FAM186A: variants seen among roughly 807,000 people sequenced by gnomAD.
The protein encoded by FAM186A is family with sequence similarity 186 member A, also known as protein FAM186A.
A neutral mutation model predicts 216.8 loss-of-function variants in FAM186A; 163 were observed. The ratio of observed to expected loss-of-function variants is 0.75; its 90% CI spans 0.66 to 0.86. The LOEUF is 0.86. Ranked by LOEUF, FAM186A falls within the 40% of genes least tolerant of loss-of-function variation. The pLI is 0.00. For synonymous variants in FAM186A, 805 were observed against 1,025.3 expected, an observed-to-expected ratio of 0.79 and a Z score of 4.10; for missense variants, 2,184 against 2,746.2, an observed-to-expected ratio of 0.80 and a Z score of 4.58.
intron 1 of FAM186A, among the ~76,000 whole-genome samples, chr12:50,394,935 G>T (rs1165944663): frequency 2.0e-5 from 3 of 150,808 alleles, no homozygotes; most frequent in South Asian, 2.1e-4. Flanking sequence ...TTGCTTTGTT[G>T]CCTGGGATGG....
At chr12:50,342,161 G>A (rs532916767) in intron 4 of FAM186A, among the ~76,000 whole-genome samples, 4 of 151,504 alleles carry the variant, frequency 2.6e-5, no homozygotes, top group South Asian at 2.1e-4. Flanking sequence ...CAGGCATGGC[G>A]GCGGCGTGCC....
intron 1 of FAM186A, among the ~76,000 whole-genome samples, chr12:50,375,408 A>T (rs1339897286): frequency 6.6e-6 from 1 of 151,452 alleles, no homozygotes; most frequent in Non-Finnish European, 1.5e-5. Context: ...AATTAGCCAG[A>T]CATGTTGGCA....
Position 50,353,913 on chromosome 12 carries a change from T to G in FAM186A, c.2919A>C (p.Arg973Ser), listed in dbSNP as rs1157365180. The change falls in exon 4 of 8, where the codon AGA becomes AGC. Residue 973 changes from arginine to serine, a missense_variant. By Grantham distance (110) the Arg-to-Ser change is moderately radical. Coordinates refer to ENST00000327337, the MANE Select transcript of FAM186A (RefSeq NM_001145475.3). ...EKGKEKQKPE[R>S]GLEDLERQIK... ...TCTGCCTTTCGAGGTCCTCTAGCCC[T>G]CTCTCTGGCTTCTGCTTTTCCTTCC... is the stretch of plus-strand genomic sequence containing the variant. The G allele has an allele frequency of 2.6e-6, 4 of 1,552,900 alleles. No individual in the cohort carries two copies. The highest frequency in any genetic ancestry group is 1.2e-5 in the South Asian group (1 of 84,098).
Position 50,367,839 on chromosome 12 carries a change from A to G in FAM186A, c.193-4475T>C, listed in dbSNP as rs112266495. 9.5e-3 allele frequency among the ~76,000 whole-genome samples: 1,444 copies of G among 152,320 alleles called. 14 individuals are homozygous for G. Among genetic ancestry groups the G allele is most frequent in the Middle Eastern group, 0.061 (18 of 294 alleles). On this transcript the variant is annotated intron_variant, in intron 1 of 7. Coordinates refer to ENST00000327337, the MANE Select transcript of FAM186A (RefSeq NM_001145475.3). ...AGAAATTAAGAAAACAATGCCATTT[A>G]TAATAGCATCAAAAATAATAATATA...
At chr12:50,393,087 C>G (rs1012346876) in intron 1 of FAM186A, among the ~76,000 whole-genome samples, 1 of 147,466 alleles carries the variant, frequency 6.8e-6, no homozygotes, top group East Asian at 2.1e-4. Context: ...CCACCACGCC[C>G]GGCTAATTTT....
chr12:50,366,163 A>C lies in FAM186A; in HGVS notation c.193-2799T>G, dbSNP rs1349852852. The C allele has an allele frequency of 1.7e-5, 10 of 593,742 alleles. No individual in the cohort carries two copies. The East Asian group carries it at 2.7e-4, about 16-fold the overall frequency. 36.8% of individuals were successfully genotyped at this position (593,742 alleles called of 1,614,324 possible). On this transcript the variant is annotated intron_variant, in intron 1 of 7. Coordinates refer to ENST00000327337, the MANE Select transcript of FAM186A (RefSeq NM_001145475.3). ...GAATAAGATTTGGATTTTGCCAAAC[A>C]AATCATCATGCAAAATGAGTATTCT...
At chr12:50,363,000 C>T in intron 2 of FAM186A, 145 bp downstream of exon 2, 1 of 689,496 alleles carries the variant, frequency 1.5e-6, no homozygotes, top group Non-Finnish European at 2.3e-6. Context: ...TTTATTCCTA[C>T]TGGAATAGAG....
intron 1 of FAM186A, among the ~76,000 whole-genome samples, chr12:50,379,308 T>C (rs986219131): frequency 7.3e-5 from 11 of 151,260 alleles, no homozygotes; most frequent in African/African-American, 2.4e-4. Context: ...AATGTGGTGG[T>C]GGGCGCCTGT....
intron 4 of FAM186A, among the ~76,000 whole-genome samples, chr12:50,345,789 C>T (rs1942805636): frequency 6.6e-6 from 1 of 152,140 alleles, no homozygotes; most frequent in East Asian, 1.9e-4. Flanking sequence ...TGTAATATGC[C>T]TCCAGCTTTG....
At chr12:50,342,580 T>G (rs1330097555) in intron 4 of FAM186A, among the ~76,000 whole-genome samples, 1 of 150,744 alleles carries the variant, frequency 6.6e-6, no homozygotes, top group Non-Finnish European at 1.5e-5. Flanking sequence ...GTTCAAGTGA[T>G]TTTCCGGCCT....
chr12:50,327,752 C>A (rs1762278366), intron 7 of FAM186A, among the ~76,000 whole-genome samples: 1 of 151,898 alleles, frequency 6.6e-6, no homozygotes, highest in Non-Finnish European at 1.5e-5. Context: ...GCCATGTTGC[C>A]CAGGTTGGTC....
Position 50,382,035 on chromosome 12 carries a change from G to A in FAM186A, c.192+14258C>T, listed in dbSNP as rs1000151225. Among the ~76,000 whole-genome samples, 8 of 152,032 alleles carry A rather than the reference G, an allele frequency of 5.3e-5. No homozygotes were observed. In the East Asian group the frequency reaches 1.4e-3, roughly 26 times the overall value. On this transcript the variant is annotated intron_variant, in intron 1 of 7. Coordinates refer to ENST00000327337, the MANE Select transcript of FAM186A (RefSeq NM_001145475.3). ...AGTAGGGAGTGGGGAAGAAGTTCTT[G>A]GAAAGTTGGTGATTTGGGGTTAGTC... is the stretch of plus-strand genomic sequence containing the variant.
chr12:50,346,671 C>T (rs1437535680), intron 4 of FAM186A, among the ~76,000 whole-genome samples: 1 of 151,898 alleles, frequency 6.6e-6, no homozygotes, highest in Non-Finnish European at 1.5e-5. Flanking sequence ...CACGGTGAAA[C>T]CCCGTCTCTA....
rs147547991 is a variant in FAM186A, at chr12:50,332,701, C to T, written c.6697-880G>A. On this transcript the variant is annotated intron_variant, in intron 5 of 7. Coordinates refer to ENST00000327337, the MANE Select transcript of FAM186A (RefSeq NM_001145475.3). ...GCCAAATCAAAAAAAGGAGAATATT[C>T]ATTTTTTTGACAAAGAGCTGTAATA... is the stretch of plus-strand genomic sequence containing the variant. Among the ~76,000 whole-genome samples the T allele has an allele frequency of 9.2e-3, 1,405 of 152,186 alleles. 14 individuals carry two copies. Among genetic ancestry groups the T allele is most frequent in the Middle Eastern group, 0.061 (18 of 294 alleles).
At position 50,351,391 on chromosome 12, in the gene FAM186A, G is replaced by A. The variant is rs370839385; in HGVS notation, c.5441C>T (p.Pro1814Leu). The change falls in exon 4 of 8, where the codon CCG (proline) becomes CTG (leucine). Residue 1814 changes from proline to leucine, a missense_variant. Physicochemically the swap from Pro to Leu is moderately conservative, Grantham distance 98. Around this residue, in one of 7 missense-constraint regions of FAM186A, gnomAD observed 721 missense variants for 816.4 expected, o/e 0.88. Transcript: ENST00000327337. ...YGGQSTSAQF[P>L]APQAPPSPGQ... ...AGGGGAGGGAGGGGCCTGTGGTGCC[G>A]GGAACTGCGCAGAAGTGGATTGACC... The A allele has an allele frequency of 4.1e-5, 61 of 1,470,758 alleles. No individual in the cohort carries two copies. The highest frequency in any genetic ancestry group is 2.7e-4 in the East Asian group (11 of 40,448). The allele number at this position is 1,470,758 out of a possible 1,614,324, so 91.1% of individuals were successfully genotyped here. A position where few individuals can be genotyped will look rare whatever the true frequency, so the allele number is the denominator to read the frequency against.
intron 4 of FAM186A, among the ~76,000 whole-genome samples, chr12:50,348,706 G>A (rs994855539): frequency 2.6e-5 from 4 of 151,334 alleles, no homozygotes; most frequent in Non-Finnish European, 4.4e-5. Context: ...TTCCAGGCAC[G>A]TGCCACCATG....
rs1273566779 is a variant in FAM186A at position 50,363,270 on chromosome 12, A to G, written c.287T>C (p.Val96Ala). The change falls in exon 2 of 8, where the codon GTC (valine) becomes GCC (alanine). Residue 96 changes from valine (V) to alanine (A), a missense_variant. Physicochemically the swap from Val to Ala is moderately conservative, Grantham distance 64. Around this residue, in one of 7 missense-constraint regions of FAM186A, gnomAD observed 1,132 missense variants for 1,263.4 expected, o/e 0.90. Transcript: ENST00000327337. ...LVFNSSSERN[V>A]SLTEHKKKQR... ...TTTTTTCTTATGTTCTGTAAGGGAG[A>G]CATTCCTTTCAGAGGACGAGTTAAA... 15 of 1,551,406 alleles carry G rather than the reference A, an allele frequency of 9.7e-6. No homozygotes were observed. The highest frequency in any genetic ancestry group is 1.3e-5 in the Non-Finnish European group (15 of 1,146,922).
chr12:50,357,039 TACATACATAC>T, intron 3 of FAM186A, among the ~76,000 whole-genome samples: 2 of 137,762 alleles, frequency 1.5e-5, no homozygotes, highest in African/African-American at 6.0e-5. Context: ...CATACATACA[TACATACATAC>T]ATAAAATAAA....
chr12:50,330,163 T>C (rs532488085), intron 7 of FAM186A, among the ~76,000 whole-genome samples: 2 of 152,162 alleles, frequency 1.3e-5, no homozygotes, highest in Non-Finnish European at 2.9e-5. Context: ...AACACCTAAT[T>C]TACTCAATTT....
Sources: allele counts gnomAD v4.1 joint callset (sites outside exome capture counted in the v4.1 genomes callset), GRCh38; gene constraint gnomAD v4.1.1; regional missense constraint gnomAD v4.1.1; transcripts MANE v1.5; gene names NCBI Gene and HGNC (gene_info 2026-07-23, HGNC 2026-07-21).